Variants in GNB4 observed in about 807,000 individuals in gnomAD.
GNB4 encodes G protein subunit beta 4, also known as guanine nucleotide-binding protein subunit beta-4.
In GNB4, 28 loss-of-function variants were observed where a neutral mutation model predicts 45.2. The observed-to-expected ratio is 0.62, with a 90% confidence interval of 0.46 to 0.85. The LOEUF is 0.85. GNB4 is among the 40% of genes least tolerant of loss of function. GNB4 has a pLI of 0.00. For missense variants in GNB4, 321 were observed against 425.4 expected (o/e 0.75, Z 2.16); for synonymous variants, 132 against 143.7 (o/e 0.92, Z 0.58).
chr3:179,405,078 G>T, intron 9 of GNB4, 112 bp downstream of exon 9: 1 of 664,388 alleles, frequency 1.5e-6, no homozygotes, highest in Non-Finnish European at 2.5e-6. Context: ...GAGAACCATC[G>T]GGTTACCACT....
intron 8 of GNB4, among the ~76,000 whole-genome samples, chr3:179,406,544 T>G (rs929056853): frequency 6.6e-6 from 1 of 152,210 alleles, no homozygotes; most frequent in Non-Finnish European, 1.5e-5. Flanking sequence ...ATCTGCGTTT[T>G]CATCTTGAAT....
At position 179,413,587 on chromosome 3, in the gene GNB4, T is replaced by C. The variant is rs1310617736; in HGVS notation, c.524A>G (p.Gln175Arg). 1.9e-6 allele frequency: 3 copies of C among 1,614,188 alleles called. No individual in the cohort carries two copies. The highest frequency in any genetic ancestry group is 2.5e-6 in the Non-Finnish European group (3 of 1,180,030). ...ATGCCCAGTGAATGTGGTGGTCTGC[T>C]GGGCAGTTTCGATGTCCCATAAAGC... ...TCALWDIETA[Q>R]QTTTFTGHSG... Residue 175 changes from glutamine (Q) to arginine (R), a missense_variant, in exon 8 of 10, where the codon CAG becomes CGG. Transcript: ENST00000232564.
At chr3:179,451,250 CA>C (rs1276401760) in intron 1 of GNB4, 95 bp downstream of exon 1, 1 of 151,590 alleles carries the variant, frequency 6.6e-6, no homozygotes, top group Non-Finnish European at 1.5e-5. Flanking sequence ...CCCCGTTCCG[CA>C]GGGGTGGCTC....
chr3:179,486,455 C>T, the GNB4 span, among the ~76,000 whole-genome samples: 1 of 152,124 alleles, frequency 6.6e-6, no homozygotes, highest in Non-Finnish European at 1.5e-5. Context: ...CAATTTCTAG[C>T]TATTATCATT....
At chr3:179,460,483 A>G in the GNB4 span, among the ~76,000 whole-genome samples, 1 of 152,190 alleles carries the variant, frequency 6.6e-6, no homozygotes, top group African/African-American at 2.4e-5. Context: ...ATATGTATTA[A>G]CTCAGAAATG....
chr3:179,428,284 C>T (rs1047369042), intron 1 of GNB4, among the ~76,000 whole-genome samples: 4 of 126,656 alleles, frequency 3.2e-5, no homozygotes, highest in African/African-American at 1.3e-4. Context: ...GCATATTTCT[C>T]TGTTTATCCA....
chr3:179,464,332 C>A, the GNB4 span: 2 of 696,806 alleles, frequency 2.9e-6, no homozygotes, highest in South Asian at 3.2e-5. Context: ...CCGGCGCAGT[C>A]ACCGGCACAG....
upstream of GNB4, among the ~76,000 whole-genome samples, chr3:179,454,433 A>G (rs985364646): frequency 6.6e-6 from 1 of 152,208 alleles, no homozygotes; most frequent in Non-Finnish European, 1.5e-5. Flanking sequence ...TCAGAATCAT[A>G]GGAGAGGAGA....
chr3:179,476,514 T>C, the GNB4 span, among the ~76,000 whole-genome samples: 639 of 152,282 alleles, frequency 4.2e-3, 4 homozygotes, highest in African/African-American at 0.015. Flanking sequence ...CTCCCATGGA[T>C]CCACTCGGAA....
intron 1 of GNB4, among the ~76,000 whole-genome samples, chr3:179,438,950 T>C (rs946048963): frequency 3.9e-5 from 6 of 152,178 alleles, no homozygotes; most frequent in African/African-American, 1.4e-4. Context: ...TCTTCAAGTG[T>C]GTAAGGGCGG....
chr3:179,456,965 T>C, the GNB4 span, among the ~76,000 whole-genome samples: 1 of 152,198 alleles, frequency 6.6e-6, no homozygotes, highest in African/African-American at 2.4e-5. Flanking sequence ...TGCTTTGAAC[T>C]GATACCAAGC....
At chr3:179,448,651 G>A (rs1715797517) in intron 1 of GNB4, among the ~76,000 whole-genome samples, 2 of 152,146 alleles carry the variant, frequency 1.3e-5, no homozygotes, top group Admixed American at 6.5e-5. Flanking sequence ...TTCAGAACAA[G>A]GCCATTCCTT....
the GNB4 span, among the ~76,000 whole-genome samples, chr3:179,465,797 T>C: frequency 3.7e-3 from 193 of 52,308 alleles, 2 homozygotes; most frequent in African/African-American, 0.01. Context: ...GATAATTTTT[T>C]TCTTCTTCTT....
chr3:179,507,422 G>A, the GNB4 span, among the ~76,000 whole-genome samples: 1 of 151,538 alleles, frequency 6.6e-6, no homozygotes, highest in Non-Finnish European at 1.5e-5. Context: ...GGAAGAAGGA[G>A]GAAGGAAGGA....
chr3:179,494,952 A>T, the GNB4 span, among the ~76,000 whole-genome samples: 3 of 151,836 alleles, frequency 2.0e-5, no homozygotes, highest in Non-Finnish European at 4.4e-5. Flanking sequence ...AAGGAAAAAA[A>T]ATCACTGAAA....
At chr3:179,402,664 G>C (rs1265810197) in intron 9 of GNB4, among the ~76,000 whole-genome samples, 1 of 152,202 alleles carries the variant, frequency 6.6e-6, no homozygotes, top group Non-Finnish European at 1.5e-5. Context: ...CTGTGTTAAT[G>C]AACCCCAAAA....
At position 179,398,964 on chromosome 3, in the gene GNB4, C is replaced by G. The variant is rs1473674419; in HGVS notation, c.*2249G>C. The G allele has an allele frequency of 6.6e-6, 1 of 152,130 alleles. No homozygotes were observed. Among genetic ancestry groups the G allele is most frequent in the Non-Finnish European group, 1.5e-5 (1 of 68,028 alleles). 9.4% of individuals were successfully genotyped at this position (152,130 alleles called of 1,614,324 possible). A position where few individuals can be genotyped will look rare whatever the true frequency, so the allele number is the denominator to read the frequency against. On this transcript the variant is annotated 3_prime_UTR_variant, in exon 10 of 10. Transcript: ENST00000232564. ...GTTAAGACCATAGAATTCCTGTGGT[C>G]TGTATGCCTGTGACTACTATAATAA...
the GNB4 span, chr3:179,464,866 G>C: frequency 7.2e-7 from 1 of 1,380,632 alleles, no homozygotes; most frequent in Non-Finnish European, 1.0e-6. Flanking sequence ...CCATGTTACC[G>C]GCTACCCCAT....
At chr3:179,510,420 A>G in the GNB4 span, among the ~76,000 whole-genome samples, 1 of 152,158 alleles carries the variant, frequency 6.6e-6, no homozygotes, top group Non-Finnish European at 1.5e-5. Flanking sequence ...CTTGACTAGG[A>G]TATCTCCCTG....
Sources: gnomAD v4.1 joint callset for allele counts (sites outside exome capture counted in the v4.1 genomes callset) on GRCh38, gnomAD v4.1.1 for gene constraint, MANE v1.5 for transcripts, NCBI Gene and HGNC (gene_info 2026-07-23, HGNC 2026-07-21) for gene names.